Variants in RANBP17 observed in about 807,000 individuals in gnomAD.
RANBP17 encodes ran-binding protein 17.
A neutral mutation model predicts 141.2 loss-of-function variants in RANBP17; 158 were observed. That is an observed-to-expected ratio of 1.12 (90% CI 0.98 to 1.28). The LOEUF (loss-of-function observed/expected upper bound fraction) is 1.28, where lower values mean the gene tolerates loss of function less well. Ranked by LOEUF, RANBP17 falls within the 50% of genes most tolerant of loss-of-function variation. The pLI is 0.00. For synonymous variants in RANBP17, 430 were observed against 450.0 expected (o/e 0.96, Z 0.56); for missense variants, 1,438 against 1,290.7 (o/e 1.11, Z -1.75).
intron 11 of RANBP17, among the ~76,000 whole-genome samples, chr5:170,924,132 G>C (rs1053506282): frequency 6.6e-6 from 1 of 151,800 alleles, no homozygotes; most frequent in African/African-American, 2.4e-5. Flanking sequence ...TGCGTAACTG[G>C]GATTACAGGT....
intron 18 of RANBP17, among the ~76,000 whole-genome samples, chr5:171,194,384 C>T (rs894460924): frequency 6.6e-6 from 1 of 152,138 alleles, no homozygotes; most frequent in Non-Finnish European, 1.5e-5. Context: ...CTCCCCCAAA[C>T]CCTGGAAACC....
intron 22 of RANBP17, among the ~76,000 whole-genome samples, chr5:171,227,070 G>A (rs1763923815): frequency 6.6e-6 from 1 of 151,998 alleles, no homozygotes; most frequent in African/African-American, 2.4e-5. Flanking sequence ...TTGAAATCAG[G>A]CCAATGAATA....
intron 5 of RANBP17, chr5:170,904,462 T>C (rs557370278): frequency 2.0e-5 from 3 of 153,508 alleles, no homozygotes; most frequent in African/African-American, 4.8e-5. Context: ...CATAGCCGTG[T>C]ATAAAAGAAA....
At chr5:170,933,767 T>C (rs1303892281) in intron 12 of RANBP17, among the ~76,000 whole-genome samples, 1 of 152,192 alleles carries the variant, frequency 6.6e-6, no homozygotes, top group Admixed American at 6.5e-5. Context: ...GATTGCACTG[T>C]GGTCTGAGAG....
intron 14 of RANBP17, among the ~76,000 whole-genome samples, chr5:171,036,238 A>G (rs1781875931): frequency 1.3e-5 from 2 of 152,072 alleles, no homozygotes; most frequent in African/African-American, 4.8e-5. Context: ...TATGTCCATG[A>G]GTACTCAATT....
chr5:170,956,099 C>T (rs1775669952), intron 13 of RANBP17, among the ~76,000 whole-genome samples: 1 of 151,424 alleles, frequency 6.6e-6, no homozygotes, highest in Non-Finnish European at 1.5e-5. Context: ...TATTTGGTTT[C>T]ATATGTTTTT....
At chr5:171,223,077 A>AC (rs1422189135) in intron 22 of RANBP17, among the ~76,000 whole-genome samples, 1 of 152,250 alleles carries the variant, frequency 6.6e-6, no homozygotes, top group Non-Finnish European at 1.5e-5. Context: ...TATTTTAAAA[A>AC]GAAAAAAATG....
intron 1 of RANBP17, among the ~76,000 whole-genome samples, chr5:170,876,427 C>T (rs7721470): frequency 0.67 from 102,551 of 151,980 alleles, 34,824 homozygotes; most frequent in South Asian, 0.9. Context: ...ATAATTTTTA[C>T]GTATTCATGA....
intron 14 of RANBP17, chr5:170,982,993 G>A (rs1221201780): frequency 7.6e-6 from 3 of 395,472 alleles, no homozygotes; most frequent in Non-Finnish European, 4.7e-6. Flanking sequence ...TAAAACTTAA[G>A]TATGAAAATA....
intron 7 of RANBP17, among the ~76,000 whole-genome samples, chr5:170,913,598 T>C (rs928017926): frequency 6.6e-6 from 1 of 152,026 alleles, no homozygotes; most frequent in Non-Finnish European, 1.5e-5. Context: ...ATTGTGATAA[T>C]AGTGGATGGG....
At chr5:171,095,757 A>AC (rs1042132516) in intron 14 of RANBP17, among the ~76,000 whole-genome samples, 21 of 151,604 alleles carry the variant, frequency 1.4e-4, no homozygotes, top group South Asian at 8.4e-4. Context: ...GGGAACTGAC[A>AC]CCCCCCCGAC....
chr5:170,904,617 G>A (rs1174599564), intron 5 of RANBP17, among the ~76,000 whole-genome samples: 2 of 151,992 alleles, frequency 1.3e-5, no homozygotes, highest in African/African-American at 2.4e-5. Context: ...ACAATTTGTC[G>A]ATAATACCAG....
At chr5:171,071,554 A>G (rs542446327) in intron 14 of RANBP17, among the ~76,000 whole-genome samples, 164 of 151,060 alleles carry the variant, frequency 1.1e-3, no homozygotes, top group African/African-American at 3.7e-3. Flanking sequence ...GACCCACACA[A>G]ATATTATCAA....
At chr5:171,236,949 C>G (rs549179168) in intron 22 of RANBP17, among the ~76,000 whole-genome samples, 1 of 152,106 alleles carries the variant, frequency 6.6e-6, no homozygotes, top group Non-Finnish European at 1.5e-5. Context: ...TTATGTAGTT[C>G]TCCAGCTGAG....
chr5:171,092,308 A>C (rs1374291341), intron 14 of RANBP17, among the ~76,000 whole-genome samples: 1 of 152,236 alleles, frequency 6.6e-6, no homozygotes, highest in Non-Finnish European at 1.5e-5. Flanking sequence ...GTTATGTTAC[A>C]GATCTAAGAA....
At chr5:171,170,816 G>C (rs1354450711) in intron 15 of RANBP17, among the ~76,000 whole-genome samples, 1 of 151,008 alleles carries the variant, frequency 6.6e-6, no homozygotes, top group African/African-American at 2.5e-5. Context: ...GTGATCATAA[G>C]AAGTGAGTTT....
At chr5:171,065,547 G>A (rs1161876761) in intron 14 of RANBP17, among the ~76,000 whole-genome samples, 1 of 151,956 alleles carries the variant, frequency 6.6e-6, no homozygotes, top group African/African-American at 2.4e-5. Context: ...AACAGGCTAT[G>A]GACTGGTACC....
intron 1 of RANBP17, among the ~76,000 whole-genome samples, chr5:170,869,488 A>G (rs1348493575): frequency 6.6e-6 from 1 of 152,148 alleles, no homozygotes; most frequent in Non-Finnish European, 1.5e-5. Flanking sequence ...GTGGCCAGAA[A>G]TCTGAAACAT....
rs34107590 is a variant in RANBP17, at chr5:171,097,353, AT to A, written c.1711-72776del. 7.9e-3 allele frequency among the ~76,000 whole-genome samples: 1,203 copies of A among 152,248 alleles called. 22 individuals carry two copies. The highest frequency in any genetic ancestry group is 0.07 in the South Asian group (338 of 4,832). On this transcript the variant is annotated intron_variant, in intron 14 of 27. Transcript: ENST00000523189. ...TATGTATCAAATTCTAGATGTTAAT[AT>A]GTAATTTAATCTTCAGAAAGGGCTG... is the stretch of plus-strand genomic sequence containing the variant.
Sources: gnomAD v4.1 joint callset for allele counts (sites outside exome capture counted in the v4.1 genomes callset) on GRCh38, gnomAD v4.1.1 for gene constraint, MANE v1.5 for transcripts, NCBI Gene and HGNC (gene_info 2026-07-23, HGNC 2026-07-21) for gene names.